The following NRXN1 variants were observed in gnomAD, a reference collection of about 807,000 sequenced individuals.
NRXN1 encodes the protein neurexin 1.
Under a neutral mutation model 150.9 loss-of-function variants are expected in NRXN1, and 39 were observed. The observed-to-expected ratio is 0.26, with a 90% confidence interval of 0.20 to 0.34. The LOEUF (loss-of-function observed/expected upper bound fraction) is 0.34. Among genes scored for constraint, NRXN1 ranks in the 10% least tolerant of loss-of-function variants. The pLI, the probability that NRXN1 is intolerant of heterozygous loss-of-function variation, is 1.00. For missense variants in NRXN1, 1,815 were observed against 1,949.9 expected, an observed-to-expected ratio of 0.93 and a Z score of 1.30; for synonymous variants, 924 against 757.0, an observed-to-expected ratio of 1.22 and a Z score of -3.62.
At chr2:50,715,728 A>G (rs2105079283) in intron 5 of NRXN1, among the ~76,000 whole-genome samples, 1 of 152,210 alleles carries the variant, frequency 6.6e-6, no homozygotes, top group South Asian at 2.1e-4. Context: ...TACATGAAAA[A>G]TTCTTGATGA....
intron 17 of NRXN1, among the ~76,000 whole-genome samples, chr2:50,294,809 C>T (rs1232445247): frequency 6.6e-6 from 1 of 152,156 alleles, no homozygotes; most frequent in Admixed American, 6.6e-5. Flanking sequence ...AATAATGGAT[C>T]TGTTTTATTT....
intron 12 of NRXN1, chr2:50,526,788 C>A (rs2092963913): frequency 6.6e-6 from 1 of 152,178 alleles, no homozygotes; most frequent in Non-Finnish European, 1.5e-5. Context: ...TGGAGGCTCA[C>A]AATCATTAAT....
intron 21 of NRXN1, among the ~76,000 whole-genome samples, chr2:49,962,354 T>C (rs185816196): frequency 6.8e-4 from 103 of 151,862 alleles, no homozygotes; most frequent in African/African-American, 2.4e-3. Context: ...TAATAGAAAT[T>C]TGGATTTTTT....
intron 8 of NRXN1, among the ~76,000 whole-genome samples, chr2:50,596,863 CTTTT>C (rs3053104): frequency 5.4e-5 from 5 of 92,146 alleles, no homozygotes; most frequent in Middle Eastern, 0.012. Flanking sequence ...ATTCCTAGGA[CTTTT>C]TTTTTTTTTT....
intron 17 of NRXN1, among the ~76,000 whole-genome samples, chr2:50,390,914 C>G (rs2081645652): frequency 6.6e-6 from 1 of 152,064 alleles, no homozygotes; most frequent in Non-Finnish European, 1.5e-5. Flanking sequence ...GCAACACAAA[C>G]AGATTAAGAA....
intron 5 of NRXN1, among the ~76,000 whole-genome samples, chr2:50,723,859 G>A (rs995676075): frequency 6.6e-6 from 1 of 152,182 alleles, no homozygotes; most frequent in Non-Finnish European, 1.5e-5. Context: ...GTGTGCGTGT[G>A]TGTGTTTCCT....
rs749013564 is a variant in NRXN1 at position 50,236,961 on chromosome 2, G to A, written c.3374C>T (p.Thr1125Ile). 2.5e-6 allele frequency: 4 copies of A among 1,612,944 alleles called. No homozygotes were observed. The highest frequency in any genetic ancestry group is 3.4e-6 in the Non-Finnish European group (4 of 1,179,358). ...TCCACCACCTTTGCTAAAGATATATGTCGTCCCAGCTGGAAAACAAAAACC... is the reference window on the plus strand; with the variant it reads ...TCCACCACCTTTGCTAAAGATATATATCGTCCCAGCTGGAAAACAAAAACC... ...SGPLCNDPGT[T>I]YIFSKGGGQI... Residue 1125 changes from threonine (T) to isoleucine (I), a missense_variant, in exon 18 of 23, where the codon ACA (threonine) becomes ATA (isoleucine). This residue lies in a region of NRXN1 where 339 missense variants were observed against 440.3 expected (regional missense o/e 0.77). Coordinates refer to ENST00000401669, the MANE Select transcript of NRXN1 (RefSeq NM_001330078.2).
chr2:50,321,184 G>A (rs542738697), intron 17 of NRXN1, among the ~76,000 whole-genome samples: 5 of 152,132 alleles, frequency 3.3e-5, no homozygotes, highest in Non-Finnish European at 7.4e-5. Flanking sequence ...CAGAGAGATA[G>A]CACAGTATGC....
At chr2:50,226,516 A>C (rs2064392164) in intron 18 of NRXN1, among the ~76,000 whole-genome samples, 1 of 151,948 alleles carries the variant, frequency 6.6e-6, no homozygotes, top group Admixed American at 6.6e-5. Flanking sequence ...GGAGAGGAGA[A>C]GCACAAGGAG....
At chr2:50,566,430 T>A (rs1669861036) in intron 8 of NRXN1, among the ~76,000 whole-genome samples, 1 of 147,578 alleles carries the variant, frequency 6.8e-6, no homozygotes, top group African/African-American at 2.6e-5. Context: ...TTTTTTTGTA[T>A]TTTTAATAGA....
At chr2:50,255,432 C>A (rs1026788314) in intron 17 of NRXN1, among the ~76,000 whole-genome samples, 2 of 152,134 alleles carry the variant, frequency 1.3e-5, no homozygotes, top group African/African-American at 4.8e-5. Flanking sequence ...CCAAATCAGA[C>A]ATGGGGCAGG....
At chr2:50,294,105 T>A (rs889385033) in intron 17 of NRXN1, among the ~76,000 whole-genome samples, 1 of 152,164 alleles carries the variant, frequency 6.6e-6, no homozygotes, top group African/African-American at 2.4e-5. Context: ...CAAATTCCAA[T>A]GAAACCTTTG....
chr2:50,803,756 C>G (rs1447209512), intron 5 of NRXN1, among the ~76,000 whole-genome samples: 1 of 152,140 alleles, frequency 6.6e-6, no homozygotes. Context: ...TACTTACGTT[C>G]AAGATCATAA....
At chr2:50,437,287 C>T (rs1219460671) in intron 17 of NRXN1, among the ~76,000 whole-genome samples, 2 of 152,106 alleles carry the variant, frequency 1.3e-5, no homozygotes, top group Admixed American at 6.5e-5. Context: ...AACTTTTGTG[C>T]CCATTTGTCC....
chr2:50,274,074 C>A (rs1026398065), intron 17 of NRXN1, among the ~76,000 whole-genome samples: 1 of 152,096 alleles, frequency 6.6e-6, no homozygotes, highest in African/African-American at 2.4e-5. Context: ...GACACATGCA[C>A]ATGTATGTTT....
chr2:50,373,432 A>C (rs1018809053), intron 17 of NRXN1, among the ~76,000 whole-genome samples: 1 of 149,776 alleles, frequency 6.7e-6, no homozygotes, highest in Non-Finnish European at 1.5e-5. Flanking sequence ...TCTCTAATTG[A>C]ACTCTTCTGC....
At chr2:50,936,248 T>G (rs1688528124) in intron 2 of NRXN1, among the ~76,000 whole-genome samples, 1 of 152,170 alleles carries the variant, frequency 6.6e-6, no homozygotes, top group South Asian at 2.1e-4. Context: ...ATCTGACATT[T>G]TAGCCCAACC....
At chr2:50,807,680 T>C (rs928174862) in intron 5 of NRXN1, among the ~76,000 whole-genome samples, 15 of 152,114 alleles carry the variant, frequency 9.9e-5, no homozygotes, top group Non-Finnish European at 1.9e-4. Flanking sequence ...GCTGTACTAA[T>C]TAGATCTGAC....
chr2:50,515,594 G>C (rs1191595145), intron 12 of NRXN1, among the ~76,000 whole-genome samples: 1 of 134,760 alleles, frequency 7.4e-6, no homozygotes, highest in Non-Finnish European at 1.5e-5. Flanking sequence ...TTCATTAAAT[G>C]CTTGGGGTGT....
Sources: gnomAD v4.1 joint callset for allele counts (sites outside exome capture counted in the v4.1 genomes callset) on GRCh38, gnomAD v4.1.1 for gene constraint, gnomAD v4.1.1 regional missense constraint, MANE v1.5 for transcripts, NCBI Gene and HGNC (gene_info 2026-07-23, HGNC 2026-07-21) for gene names.